MKNK1: variants seen among roughly 807,000 people sequenced by gnomAD.
MKNK1 encodes the protein MAP kinase-interacting serine/threonine-protein kinase 1.
MKNK1 carries 30 observed loss-of-function variants against 49.3 expected under a neutral mutation model. The observed-to-expected ratio is 0.61, with a 90% confidence interval of 0.46 to 0.83. The LOEUF (loss-of-function observed/expected upper bound fraction) is 0.83. MKNK1 is among the 40% of genes least tolerant of loss of function. The pLI, the probability that MKNK1 is intolerant of heterozygous loss-of-function variation, is 0.00. For synonymous variants in MKNK1, 176 were observed against 201.7 expected (o/e 0.87, Z 1.08); for missense variants, 423 against 524.7 (o/e 0.81, Z 1.89).
chr1:46,572,377 TAA>T, intron 6 of MKNK1: 1 of 404,594 alleles, frequency 2.5e-6, no homozygotes, highest in Non-Finnish European at 4.6e-6. Flanking sequence ...CATGTCCAGC[TAA>T]TTTTTGTACT....
intron 2 of MKNK1, among the ~76,000 whole-genome samples, chr1:46,591,516 T>C (rs533160406): frequency 2.6e-5 from 4 of 152,066 alleles, no homozygotes; most frequent in East Asian, 1.9e-4. Context: ...AGGAAGGACA[T>C]GGAAGGGGAG....
chr1:46,582,575 G>A (rs944929461), intron 3 of MKNK1, among the ~76,000 whole-genome samples: 59 of 152,200 alleles, frequency 3.9e-4, no homozygotes, highest in Non-Finnish European at 4.4e-5. Context: ...AGTGGGGCAC[G>A]TTACTCCTAG....
intron 1 of MKNK1, among the ~76,000 whole-genome samples, chr1:46,602,182 C>A (rs999100067): frequency 6.6e-6 from 1 of 152,204 alleles, no homozygotes; most frequent in African/African-American, 2.4e-5. Flanking sequence ...GAGGCCCAGG[C>A]AGGCGGATCA....
chr1:46,587,343 T>C (rs1375757539), intron 2 of MKNK1, among the ~76,000 whole-genome samples: 1 of 152,174 alleles, frequency 6.6e-6, no homozygotes, highest in Non-Finnish European at 1.5e-5. Context: ...AGAAGCAGCA[T>C]GCTGCTTGCT....
chr1:46,574,922 C>T (rs55664133), intron 6 of MKNK1, 25 bp downstream of exon 6: 20,970 of 1,523,396 alleles, frequency 0.014, 171 homozygotes, highest in Non-Finnish European at 0.015. Flanking sequence ...ATCAGAAGTC[C>T]ACACACATAC....
At chr1:46,577,846 T>C (rs1349245777) in intron 4 of MKNK1, among the ~76,000 whole-genome samples, 2 of 152,248 alleles carry the variant, frequency 1.3e-5, no homozygotes, top group Non-Finnish European at 1.5e-5. Flanking sequence ...ACACCGAGCC[T>C]GTGAGCAAAT....
chr1:46,588,420 G>C (rs1308008296), intron 2 of MKNK1, among the ~76,000 whole-genome samples: 1 of 152,202 alleles, frequency 6.6e-6, no homozygotes. Flanking sequence ...TCAACATTCA[G>C]TGATGAAAGA....
chr1:46,561,736 G>T, intron 10 of MKNK1, 94 bp from the exon 11 acceptor site: 1 of 1,405,168 alleles, frequency 7.1e-7, no homozygotes, highest in African/African-American at 1.4e-5. Flanking sequence ...ATTGATCTCA[G>T]CTGTAGCTGC....
intron 6 of MKNK1, chr1:46,574,695 G>A (rs1570165497): frequency 4.6e-6 from 2 of 430,382 alleles, no homozygotes; most frequent in Non-Finnish European, 8.2e-6. Context: ...ATGACTAAAT[G>A]TATCTATATA....
intron 6 of MKNK1, 30 bp from the exon 7 acceptor site, chr1:46,572,197 C>A (rs1442430876): frequency 6.3e-7 from 1 of 1,585,866 alleles, no homozygotes; most frequent in Non-Finnish European, 8.7e-7. Flanking sequence ...TAGAAGAATG[C>A]CTTTTTGGGC....
intron 11 of MKNK1, 110 bp downstream of exon 11, chr1:46,561,368 G>C: frequency 7.9e-7 from 1 of 1,260,004 alleles, no homozygotes; most frequent in Non-Finnish European, 1.1e-6. Flanking sequence ...GTCCTCTTCA[G>C]CTGCACCAGC....
At chr1:46,570,854 A>G (rs543637260) in intron 7 of MKNK1, among the ~76,000 whole-genome samples, 3 of 152,230 alleles carry the variant, frequency 2.0e-5, no homozygotes, top group African/African-American at 7.2e-5. Flanking sequence ...CAATACAAAC[A>G]CAAGATACAC....
At chr1:46,568,399 T>C (rs770358819) in intron 8 of MKNK1, 44 bp downstream of exon 8, 2 of 1,597,286 alleles carry the variant, frequency 1.3e-6, no homozygotes, top group African/African-American at 2.7e-5. Flanking sequence ...GGTGGCTTCC[T>C]CGGTAAGTAT....
rs1210425792 is a variant in MKNK1 at position 46,594,193 on chromosome 1, TG to T, written c.-84del. ...TGAAATAAAGCTCCTGTCAGGAAGT[TG>T]GTGTCTTCCAGCTACACGAAGTGTC... On this transcript the variant is annotated 5_prime_UTR_variant, in exon 2 of 13. Coordinates refer to ENST00000371945, the MANE Select transcript of MKNK1 (RefSeq NM_001135553.4). The T allele has an allele frequency of 5.2e-6, 8 of 1,528,644 alleles. No homozygotes were observed. In the Admixed American group the frequency reaches 6.7e-5, roughly 13 times the overall value. 94.7% of individuals were successfully genotyped at this position (1,528,644 alleles called of 1,614,324 possible). A position where few individuals can be genotyped will look rare whatever the true frequency, so the allele number is the denominator to read the frequency against.
At chr1:46,565,573 G>C (rs1345806514) in intron 8 of MKNK1, 1 of 178,554 alleles carries the variant, frequency 5.6e-6, no homozygotes, top group Non-Finnish European at 1.2e-5. Context: ...AACTTGTCTT[G>C]GGTGGCTTGC....
intron 2 of MKNK1, chr1:46,593,869 A>G: frequency 3.5e-6 from 1 of 287,280 alleles, no homozygotes; most frequent in Non-Finnish European, 6.4e-6. Context: ...AAAAAAAAAA[A>G]AAAAAAGTAA....
At chr1:46,580,761 G>T in intron 3 of MKNK1, 134 bp from the exon 4 acceptor site, 1 of 614,430 alleles carries the variant, frequency 1.6e-6, no homozygotes, top group Non-Finnish European at 2.9e-6. Flanking sequence ...TCAGTGACAA[G>T]GAAGACAAGT....
Position 46,583,253 on chromosome 1 carries a change from A to G in MKNK1, c.75T>C (p.Thr25=). 6.2e-7 allele frequency: 1 copy of G among 1,614,082 alleles called. No individual in the cohort carries two copies. Among genetic ancestry groups the G allele is most frequent in the Non-Finnish European group, 8.5e-7 (1 of 1,179,990 alleles). Residue 25 remains threonine, a synonymous_variant, in exon 3 of 13, where the codon ACT becomes ACC. Transcript: ENST00000371945. ...CTTCAAACTTTCCTGGCAAGGAGTC[A>G]GTGGCCCGGCCCCTCCGCTTCTTCT... is the stretch of plus-strand genomic sequence containing the variant. ...RRKKKRRGRA[T]DSLPGKFEDM...
At chr1:46,564,263 T>C (rs960005011) in intron 9 of MKNK1, among the ~76,000 whole-genome samples, 2 of 151,546 alleles carry the variant, frequency 1.3e-5, no homozygotes, top group African/African-American at 4.8e-5. Context: ...GACCTCACAG[T>C]TCCCACCACA....
Sources: allele counts gnomAD v4.1 joint callset (sites outside exome capture counted in the v4.1 genomes callset), GRCh38; gene constraint gnomAD v4.1.1; transcripts MANE v1.5; gene names NCBI Gene and HGNC (gene_info 2026-07-23, HGNC 2026-07-21).